The following PDE4D variants were observed in gnomAD, a reference collection of about 807,000 sequenced individuals.
PDE4D encodes the protein 3',5'-cyclic-AMP phosphodiesterase 4D.
A neutral mutation model predicts 87.4 loss-of-function variants in PDE4D; 24 were observed. The ratio of observed to expected loss-of-function variants is 0.27; its 90% confidence interval spans 0.20 to 0.39. The LOEUF is 0.39. PDE4D is among the 10% of genes least tolerant of loss of function. The probability of loss-of-function intolerance (pLI) is 1.00; values close to 1 mark genes in which losing one functional copy is unlikely to be tolerated. For synonymous variants in PDE4D, 384 were observed against 383.2 expected (o/e 1.00, Z -0.02); for missense variants, 714 against 1,041.0 (o/e 0.69, Z 4.32).
intron 1 of PDE4D, among the ~76,000 whole-genome samples, chr5:59,855,119 C>G (rs928175771): frequency 6.6e-6 from 1 of 152,100 alleles, no homozygotes; most frequent in Non-Finnish European, 1.5e-5. Flanking sequence ...ATTCTCCCTT[C>G]TAACCAGCTC....
In PDE4D at chr5:59,990,728, C is replaced by T. The variant is rs572917690; in HGVS notation, c.43-2011G>A. Among the ~76,000 whole-genome samples, 4 of 152,256 alleles carry T rather than the reference C, an allele frequency of 2.6e-5. No individual in the cohort carries two copies. The South Asian group carries it at 8.3e-4, about 32-fold the overall frequency. On this transcript the variant is annotated intron_variant, in intron 2 of 16. Transcript: ENST00000502484. Reference sequence around the variant, plus strand: ...GTCTCATTTAATTTTTACTAAAATCCTATGAGTTACTTCTTCTTGCTTTTC... The same window carrying T: ...GTCTCATTTAATTTTTACTAAAATCTTATGAGTTACTTCTTCTTGCTTTTC...
chr5:59,739,036 G>A (rs1407270390), intron 1 of PDE4D, among the ~76,000 whole-genome samples: 1 of 152,138 alleles, frequency 6.6e-6, no homozygotes, highest in Non-Finnish European at 1.5e-5. Flanking sequence ...AAAGAAAAGT[G>A]ATTCTTTTGT....
chr5:59,201,130 T>G (rs1387060140), intron 2 of PDE4D, among the ~76,000 whole-genome samples: 1 of 152,124 alleles, frequency 6.6e-6, no homozygotes, highest in African/African-American at 2.4e-5. Flanking sequence ...ATCATATGGG[T>G]TTTTCAGACG....
At position 59,007,212 on chromosome 5, in the gene PDE4D, T is replaced by A. The variant is rs976893644; in HGVS notation, c.922-13747A>T. The stretch of plus-strand genomic sequence containing the variant: ...AGCACTGTTTGCAGTAGGACTTACA[T>A]TATTGGAAAATATTTTATCCTATAA... On this transcript the variant is annotated intron_variant, in intron 6 of 14. Coordinates refer to ENST00000340635, the MANE Select transcript of PDE4D (RefSeq NM_001104631.2). Among the ~76,000 whole-genome samples the A allele has an allele frequency of 6.6e-5, 10 of 152,204 alleles. 1 individual carries two copies. The highest frequency in any genetic ancestry group is 1.5e-4 in the Non-Finnish European group (10 of 68,028).
At chr5:60,278,568 C>CTTGTT (rs984483121) in intron 1 of PDE4D, among the ~76,000 whole-genome samples, 2 of 151,842 alleles carry the variant, frequency 1.3e-5, no homozygotes, top group Admixed American at 6.6e-5. Flanking sequence ...CCATTAGGCT[C>CTTGTT]TTGTTTTGTT....
intron 5 of PDE4D, among the ~76,000 whole-genome samples, chr5:59,079,154 T>A (rs1766226428): frequency 6.6e-6 from 1 of 152,132 alleles, no homozygotes. Context: ...ATTGTATCCA[T>A]CACTAAGTGG....
intron 1 of PDE4D, among the ~76,000 whole-genome samples, chr5:60,220,663 C>G (rs972997409): frequency 6.6e-6 from 1 of 152,096 alleles, no homozygotes; most frequent in African/African-American, 2.4e-5. Flanking sequence ...ATGCCATGAA[C>G]ATTGCAGAAA....
At chr5:59,340,682 A>G (rs1778572125) in intron 1 of PDE4D, among the ~76,000 whole-genome samples, 1 of 151,984 alleles carries the variant, frequency 6.6e-6, no homozygotes, top group Non-Finnish European at 1.5e-5. Context: ...CACCCCTGCC[A>G]CTCACTACCC....
At chr5:59,773,597 C>T (rs1462737608) in intron 1 of PDE4D, among the ~76,000 whole-genome samples, 1 of 151,884 alleles carries the variant, frequency 6.6e-6, no homozygotes. Flanking sequence ...GTTTTTTTCT[C>T]CTCTATATAC....
intron 5 of PDE4D, chr5:59,172,959 C>T (rs560832143): frequency 1.7e-4 from 26 of 151,924 alleles, no homozygotes; most frequent in African/African-American, 6.3e-4. Flanking sequence ...ATTCTGAGTA[C>T]CAAGTACTAT....
upstream of PDE4D, among the ~76,000 whole-genome samples, chr5:60,492,505 C>T (rs928821228): frequency 6.6e-6 from 1 of 151,948 alleles, no homozygotes; most frequent in Non-Finnish European, 1.5e-5. Context: ...AAGCTCACTG[C>T]AATAAATATA....
intron 1 of PDE4D, among the ~76,000 whole-genome samples, chr5:60,338,798 A>G (rs947306605): frequency 6.6e-6 from 1 of 152,138 alleles, no homozygotes; most frequent in Non-Finnish European, 1.5e-5. Flanking sequence ...AGGAAAGAAC[A>G]AAAATTATAT....
At chr5:59,733,315 C>T (rs963644305) in intron 1 of PDE4D, among the ~76,000 whole-genome samples, 4 of 151,970 alleles carry the variant, frequency 2.6e-5, no homozygotes, top group African/African-American at 9.7e-5. Flanking sequence ...ACATGCAAAA[C>T]GTGAGATAAA....
At chr5:59,339,949 TA>T (rs572252229) in intron 1 of PDE4D, among the ~76,000 whole-genome samples, 278 of 144,474 alleles carry the variant, frequency 1.9e-3, no homozygotes, top group Admixed American at 2.6e-3. Flanking sequence ...TTGTTTTGTT[TA>T]AAAAAAAAAA....
At chr5:59,936,176 A>G (rs1014476861) in intron 3 of PDE4D, among the ~76,000 whole-genome samples, 2 of 152,188 alleles carry the variant, frequency 1.3e-5, no homozygotes, top group Admixed American at 1.3e-4. Flanking sequence ...ACACATGGAC[A>G]CGGGAAGGGG....
At chr5:59,263,289 A>G (rs928826714) in intron 1 of PDE4D, among the ~76,000 whole-genome samples, 1 of 151,980 alleles carries the variant, frequency 6.6e-6, no homozygotes, top group African/African-American at 2.4e-5. Flanking sequence ...GAGCAAACCC[A>G]GTCTACTCCA....
intron 1 of PDE4D, among the ~76,000 whole-genome samples, chr5:59,639,807 T>C (rs1468393550): frequency 7.2e-6 from 1 of 138,650 alleles, no homozygotes; most frequent in Non-Finnish European, 1.5e-5. Context: ...AAATATAGTG[T>C]CTATAGTGTG....
chr5:60,416,941 A>C (rs145789403), intron 1 of PDE4D, among the ~76,000 whole-genome samples: 1 of 152,344 alleles, frequency 6.6e-6, no homozygotes, highest in African/African-American at 2.4e-5. Flanking sequence ...TGGCCTGTTA[A>C]AGTCTTCATG....
intron 3 of PDE4D, among the ~76,000 whole-genome samples, chr5:59,979,749 T>G (rs1761722601): frequency 6.6e-6 from 1 of 152,140 alleles, no homozygotes; most frequent in South Asian, 2.1e-4. Flanking sequence ...GGAGGGCAGA[T>G]TCTAAATGAA....
Sources: gnomAD v4.1 joint callset for allele counts (sites outside exome capture counted in the v4.1 genomes callset) on GRCh38, gnomAD v4.1.1 for gene constraint, MANE v1.5 for transcripts, NCBI Gene and HGNC (gene_info 2026-07-23, HGNC 2026-07-21) for gene names.